MROH2A: variants seen among roughly 807,000 people sequenced by gnomAD.
MROH2A encodes maestro heat-like repeat-containing protein family member 2A.
In MROH2A, 174 loss-of-function variants were observed where a neutral mutation model predicts 200.4. The ratio of observed to expected loss-of-function variants is 0.87; its 90% CI spans 0.77 to 0.98. The LOEUF is 0.98. Ranked by LOEUF, MROH2A falls within the 50% of genes least tolerant of loss-of-function variation. The pLI, the probability that MROH2A is intolerant of heterozygous loss-of-function variation, is 0.00. For missense variants in MROH2A, 2,045 were observed against 2,139.6 expected, an observed-to-expected ratio of 0.96 and a Z score of 0.87; for synonymous variants, 829 against 840.4, an observed-to-expected ratio of 0.99 and a Z score of 0.23.
At position 233,799,840 on chromosome 2, in the gene MROH2A, AT is replaced by A. The variant is rs1702344188; in HGVS notation, c.1391del (p.Ile464ThrfsTer6). The A allele has an allele frequency of 6.4e-7, 1 of 1,550,430 alleles. No homozygotes were observed. The highest frequency in any genetic ancestry group is 2.0e-5 in the Admixed American group (1 of 50,978). On this transcript the variant is annotated frameshift_variant, in exon 13 of 42. Coordinates refer to ENST00000389758, the MANE Select transcript of MROH2A (RefSeq NM_001394639.1). LOFTEE classifies it high-confidence loss of function. The stretch of plus-strand genomic sequence containing the variant: ...GGCTCTCTGTGGCTACCAGGAGAGA[AT>A]CAAAGGCTGGGGCCTGAAGTACCTG... The part of the protein sequence containing the change: ...QLALCGYQER[I>X]KGWGLKYLSV...
At chr2:233,790,955 G>T (rs114976790) in intron 5 of MROH2A, among the ~76,000 whole-genome samples, 2 of 152,210 alleles carry the variant, frequency 1.3e-5, no homozygotes, top group East Asian at 3.9e-4. Flanking sequence ...TGTTGAGGTA[G>T]CGATATTTCA....
rs750846190 is a variant in MROH2A at position 233,792,877 on chromosome 2, G to A, written c.653G>A (p.Arg218His). ...MLRLANEAKIRQAICSAMETF... is the reference protein window; with the variant it reads ...MLRLANEAKIHQAICSAMETF... Reference sequence around the variant, plus strand: ...AGACTTGCCAATGAAGCCAAGATACGCCAGGCGATCTGCAGTGGTGAGTGT... The same window carrying A: ...AGACTTGCCAATGAAGCCAAGATACACCAGGCGATCTGCAGTGGTGAGTGT... Residue 218 changes from arginine to histidine, a missense_variant, in exon 6 of 42, where the codon CGC (arginine) becomes CAC (histidine). This residue lies in a region of MROH2A where 831 missense variants were observed against 800.0 expected (regional missense o/e 1.04). Coordinates refer to ENST00000389758, the MANE Select transcript of MROH2A (RefSeq NM_001394639.1). The A allele has an allele frequency of 2.5e-5, 38 of 1,550,396 alleles. No individual in the cohort carries two copies. Among genetic ancestry groups the A allele is most frequent in the African/African-American group, 6.8e-5 (5 of 73,044 alleles).
rs1039096338 is a variant in MROH2A at position 233,819,518 on chromosome 2, G to C, written c.3357+49G>C. On this transcript the variant is annotated intron_variant, in intron 30 of 41. Transcript: ENST00000389758. Reference sequence around the variant, plus strand: ...CCAGAGAGAGGGGCTGGGGCTGCCTGGTGTGCCCAGATGAGAGGGAAGGAC... The same window carrying C: ...CCAGAGAGAGGGGCTGGGGCTGCCTCGTGTGCCCAGATGAGAGGGAAGGAC... 9 of 1,530,054 alleles carry C rather than the reference G, an allele frequency of 5.9e-6. No individual in the cohort carries two copies. The Admixed American group carries it at 1.6e-4, about 27-fold the overall frequency. The allele number at this position is 1,530,054 out of a possible 1,614,324, so 94.8% of individuals were successfully genotyped here. A position where few individuals can be genotyped will look rare whatever the true frequency, so the allele number is the denominator to read the frequency against.
In MROH2A at chr2:233,798,797, A is replaced by G. The variant is rs1374168762; in HGVS notation, c.1276A>G (p.Ile426Val). 4 of 1,550,524 alleles carry G rather than the reference A, an allele frequency of 2.6e-6. No individual in the cohort carries two copies. Among genetic ancestry groups the G allele is most frequent in the East Asian group, 4.9e-5 (2 of 40,908 alleles). Reference sequence around the variant, plus strand: ...AGAGCCCAGGATGAGTATCAGGGCCATCTACCTGGCTATCCGGGTAGTCAA... The same window carrying G: ...AGAGCCCAGGATGAGTATCAGGGCCGTCTACCTGGCTATCCGGGTAGTCAA... The part of the protein sequence containing the change: ...ADEPRMSIRA[I>V]YLAIRVVKNT... The change falls in exon 12 of 42, where the codon ATC becomes GTC. Residue 426 changes from isoleucine (I) to valine (V), a missense_variant. Physicochemically the swap from Ile to Val is conservative, Grantham distance 29. This residue lies in a region of MROH2A where 831 missense variants were observed against 800.0 expected (regional missense o/e 1.04). Transcript: ENST00000389758.
rs1702913050 is a variant in MROH2A at position 233,807,941 on chromosome 2, A to G, written c.2295+86A>G. The stretch of plus-strand genomic sequence containing the variant: ...TGACACAAAGTCCTTTCTAGATCTC[A>G]GTAGGAAACTTGCCTCACACGGAGT... On this transcript the variant is annotated intron_variant, in intron 21 of 41. Coordinates refer to ENST00000389758, the MANE Select transcript of MROH2A (RefSeq NM_001394639.1). This position sits in a 1 kb window ranked among gnomAD's most constrained non-coding sequence, Gnocchi z 4.3. 1.3e-6 allele frequency: 2 copies of G among 1,506,072 alleles called. No individual in the cohort carries two copies. 93.3% of individuals were successfully genotyped at this position (1,506,072 alleles called of 1,614,324 possible).
At chr2:233,795,492 A>AT in intron 8 of MROH2A, 161 bp from the exon 9 acceptor site, 2 of 1,140,694 alleles carry the variant, frequency 1.8e-6, no homozygotes, top group Non-Finnish European at 1.2e-6. Context: ...GCAGGCTTGG[A>AT]TTCAGCAGGA....
chr2:233,810,421 A>T (rs1011404000), intron 22 of MROH2A, among the ~76,000 whole-genome samples: 2 of 152,232 alleles, frequency 1.3e-5, no homozygotes, highest in African/African-American at 4.8e-5. Context: ...ATTCACTGTC[A>T]TGAGAATAGC....
intron 3 of MROH2A, among the ~76,000 whole-genome samples, chr2:233,787,121 C>T (rs551673052): frequency 7.5e-4 from 114 of 152,212 alleles, no homozygotes; most frequent in African/African-American, 2.5e-3. Flanking sequence ...ACTCAGTGAT[C>T]GCTTTTGTTA....
Position 233,811,919 on chromosome 2 carries a change from C to T in MROH2A, c.2611C>T (p.Pro871Ser). 1 of 1,550,386 alleles carries T rather than the reference C, an allele frequency of 6.5e-7. No homozygotes were observed. Among genetic ancestry groups the T allele is most frequent in the Non-Finnish European group, 8.7e-7 (1 of 1,146,938 alleles). The part of the protein sequence containing the change: ...KAEPTDNLVS[P>S]VRALAMEALS... ...AGAACCGACTGACAACCTGGTTTCT[C>T]CAGTGCGAGCCTTGGCGATGGAGGC... The change falls in exon 24 of 42, where the codon CCA (proline) becomes TCA (serine). Residue 871 changes from proline to serine, a missense_variant. Around this residue, in one of 3 missense-constraint regions of MROH2A, gnomAD observed 1,201 missense variants for 1,311.3 expected, o/e 0.92. Coordinates refer to ENST00000389758, the MANE Select transcript of MROH2A (RefSeq NM_001394639.1).
At chr2:233,809,023 A>G (rs10803663) in intron 21 of MROH2A, 103 bp from the exon 22 acceptor site, 892,033 of 1,321,406 alleles carry the variant, frequency 0.68, 303,232 homozygotes, top group African/African-American at 0.76. Context: ...AAGCACCGCC[A>G]GCTGACTCAA....
At chr2:233,831,337 C>T (rs1704733231) in intron 38 of MROH2A, 72 bp from the exon 39 acceptor site, 13 of 1,461,996 alleles carry the variant, frequency 8.9e-6, no homozygotes, top group Non-Finnish European at 1.2e-5. Context: ...CTCTGGCTTC[C>T]TGCCAGCCTC....
intron 3 of MROH2A, among the ~76,000 whole-genome samples, chr2:233,780,992 A>G (rs1201024508): frequency 6.6e-6 from 1 of 152,168 alleles, no homozygotes; most frequent in Admixed American, 6.5e-5. Context: ...TGTGGTATTT[A>G]TCTATCTGTG....
intron 39 of MROH2A, among the ~76,000 whole-genome samples, chr2:233,831,850 G>T (rs902314175): frequency 6.6e-6 from 1 of 152,160 alleles, no homozygotes; most frequent in Non-Finnish European, 1.5e-5. Context: ...CTATTATTGT[G>T]ATATTTTACA....
chr2:233,791,611 T>C (rs1271605409), intron 5 of MROH2A, among the ~76,000 whole-genome samples: 1 of 152,092 alleles, frequency 6.6e-6, no homozygotes. Context: ...AAGCCATTGA[T>C]ATCCGGGAGT....
intron 3 of MROH2A, among the ~76,000 whole-genome samples, chr2:233,783,509 T>C (rs1210680750): frequency 1.3e-5 from 2 of 152,132 alleles, no homozygotes; most frequent in Non-Finnish European, 2.9e-5. Flanking sequence ...TGGCATGTAG[T>C]TGTTTGTAAC....
chr2:233,800,140 A>ACACC (rs1702365465), intron 13 of MROH2A, 65 bp from the exon 14 acceptor site: 1 of 1,252,298 alleles, frequency 8.0e-7, no homozygotes, highest in Non-Finnish European at 1.1e-6. Context: ...TGAGGAGACC[A>ACACC]CACCTGAGAC....
intron 26 of MROH2A, among the ~76,000 whole-genome samples, chr2:233,815,130 A>G (rs28900969): frequency 3.3e-5 from 5 of 152,226 alleles, no homozygotes; most frequent in African/African-American, 4.8e-5. Flanking sequence ...TATAATCCAG[A>G]TTAGGCAGTG....
chr2:233,807,667 G>A lies in MROH2A; in HGVS notation c.2173-66G>A. 2 of 1,549,106 alleles carry A rather than the reference G, an allele frequency of 1.3e-6. No individual in the cohort carries two copies. The highest frequency in any genetic ancestry group is 8.7e-7 in the Non-Finnish European group (1 of 1,146,200). ...ACATGTGTGTGTGCCTTGCACGTGT[G>A]TGTGTGGGATCCTCCTCTGCCCACT... On this transcript the variant is annotated intron_variant, in intron 20 of 41. Coordinates refer to ENST00000389758, the MANE Select transcript of MROH2A (RefSeq NM_001394639.1). This position sits in a 1 kb window ranked among gnomAD's most constrained non-coding sequence, Gnocchi z 4.3.
intron 3 of MROH2A, among the ~76,000 whole-genome samples, chr2:233,785,590 G>A (rs1200824389): frequency 6.6e-6 from 1 of 152,176 alleles, no homozygotes; most frequent in Non-Finnish European, 1.5e-5. Context: ...AGGGAGTCAG[G>A]GGAAATTATA....
Sources: allele counts gnomAD v4.1 joint callset (sites outside exome capture counted in the v4.1 genomes callset), GRCh38; gene constraint gnomAD v4.1.1; regional missense constraint gnomAD v4.1.1; non-coding constraint Gnocchi (gnomAD v3.1); transcripts MANE v1.5; gene names NCBI Gene and HGNC (gene_info 2026-07-23, HGNC 2026-07-21).